Variants in GABBR2 observed in about 807,000 individuals in gnomAD.
The protein encoded by GABBR2 is gamma-aminobutyric acid type B receptor subunit 2, also known as G-protein coupled receptor 51.
A neutral mutation model predicts 105.6 loss-of-function variants in GABBR2; 23 were observed. The observed-to-expected ratio is 0.22, with a 90% CI of 0.16 to 0.31. The LOEUF is 0.31. Ranked by LOEUF, GABBR2 falls within the 10% of genes least tolerant of loss-of-function variation. The pLI is 1.00. For missense variants in GABBR2, 734 were observed against 1,245.5 expected (o/e 0.59, Z 6.18); for synonymous variants, 478 against 499.7 (o/e 0.96, Z 0.58).
rs550807318 is a variant in GABBR2, at chr9:98,673,585, G to GA, written c.321+34831dup. Among the ~76,000 whole-genome samples, 321 of 41,842 alleles carry GA rather than the reference G, an allele frequency of 7.7e-3. 1 individual carries two copies. Among genetic ancestry groups the GA allele is most frequent in the Middle Eastern group, 0.025 (1 of 40 alleles). 27.4% of individuals were successfully genotyped at this position (41,842 alleles called of 152,430 possible). On this transcript the variant is annotated intron_variant, in intron 1 of 18. Coordinates refer to ENST00000259455, the MANE Select transcript of GABBR2 (RefSeq NM_005458.8). ...TGTACGAGAAAACGTTTTCTAAGTT[G>GA]AAAAAAAAAAACAGGGAATAAAAAG...
Position 98,681,335 on chromosome 9 carries a change from C to T in GABBR2, c.321+27082G>A, listed in dbSNP as rs550790263. On this transcript the variant is annotated intron_variant, in intron 1 of 18. Coordinates refer to ENST00000259455, the MANE Select transcript of GABBR2 (RefSeq NM_005458.8). ...GAAATCATCATTCTCAGTAAACTAT[C>T]GCAAGAACAACCAAACACCGCATAT... 1.7e-3 allele frequency among the ~76,000 whole-genome samples: 28 copies of T among 16,118 alleles called. 1 individual carries two copies. The highest frequency in any genetic ancestry group is 9.5e-3 in the African/African-American group (17 of 1,798). The allele number at this position is 16,118 out of a possible 152,430, so 10.6% of individuals were successfully genotyped here. A position where few individuals can be genotyped will look rare whatever the true frequency, so the allele number is the denominator to read the frequency against.
At chr9:98,347,844 C>G (rs547674975) in intron 13 of GABBR2, among the ~76,000 whole-genome samples, 15 of 152,142 alleles carry the variant, frequency 9.9e-5, no homozygotes, top group African/African-American at 3.6e-4. Flanking sequence ...AAGGGTGGCG[C>G]CAGGTGGAGA....
At chr9:98,660,683 GC>G (rs752660651) in intron 1 of GABBR2, among the ~76,000 whole-genome samples, 25 of 152,228 alleles carry the variant, frequency 1.6e-4, no homozygotes, top group Admixed American at 4.6e-4. Flanking sequence ...TTTTGGCGGG[GC>G]TGGTTCCTTC....
intron 2 of GABBR2, among the ~76,000 whole-genome samples, chr9:98,549,600 C>T (rs1368137019): frequency 6.6e-6 from 1 of 152,164 alleles, no homozygotes; most frequent in East Asian, 1.9e-4. Flanking sequence ...CTGCCATGCC[C>T]CTGGGGGCTG....
intron 17 of GABBR2, among the ~76,000 whole-genome samples, chr9:98,294,106 G>T (rs570233860): frequency 1.1e-4 from 16 of 152,316 alleles, no homozygotes; most frequent in African/African-American, 3.6e-4. Flanking sequence ...GTCAGGGATG[G>T]AAGCAATGTG....
At chr9:98,375,340 C>T (rs767969388) in intron 11 of GABBR2, 3 of 152,202 alleles carry the variant, frequency 2.0e-5, no homozygotes, top group Non-Finnish European at 4.4e-5. Context: ...CCCACTGAGA[C>T]CTTGCAGGGA....
chr9:98,644,687 C>A (rs937089099), intron 1 of GABBR2, among the ~76,000 whole-genome samples: 48 of 152,072 alleles, frequency 3.2e-4, no homozygotes, highest in Non-Finnish European at 7.1e-4. Flanking sequence ...ACTAAAAACA[C>A]AAAAATTAGC....
At chr9:98,626,487 A>T (rs1362981613) in intron 1 of GABBR2, among the ~76,000 whole-genome samples, 1 of 152,174 alleles carries the variant, frequency 6.6e-6, no homozygotes, top group Admixed American at 6.5e-5. Context: ...TAAAGGTGAA[A>T]TCGTAGAGAG....
intron 12 of GABBR2, among the ~76,000 whole-genome samples, chr9:98,366,332 C>T (rs1777637461): frequency 6.6e-6 from 1 of 152,176 alleles, no homozygotes; most frequent in Non-Finnish European, 1.5e-5. Context: ...TAGCCTTGCT[C>T]GTTTAAATGA....
intron 1 of GABBR2, among the ~76,000 whole-genome samples, chr9:98,667,646 T>C (rs1334407497): frequency 6.6e-6 from 1 of 152,190 alleles, no homozygotes; most frequent in Non-Finnish European, 1.5e-5. Flanking sequence ...GTGTGCTGTG[T>C]GGCAGTTCAA....
intron 10 of GABBR2, 32 bp from the exon 11 acceptor site, chr9:98,385,804 G>A: frequency 1.3e-6 from 2 of 1,577,920 alleles, no homozygotes; most frequent in Non-Finnish European, 1.7e-6. Context: ...AGATTTAACA[G>A]AATGGTTAAT....
chr9:98,626,294 G>T (rs1824774386), intron 1 of GABBR2, among the ~76,000 whole-genome samples: 1 of 152,084 alleles, frequency 6.6e-6, no homozygotes, highest in African/African-American at 2.4e-5. Flanking sequence ...TTCTTTCTGG[G>T]GTGATTAAAA....
chr9:98,515,242 G>A (rs932511740), intron 3 of GABBR2, among the ~76,000 whole-genome samples: 2 of 152,140 alleles, frequency 1.3e-5, no homozygotes, highest in African/African-American at 4.8e-5. Context: ...GAAGTTGCAA[G>A]AGAGGCCTCA....
chr9:98,300,029 A>T (rs1564007391), intron 16 of GABBR2, among the ~76,000 whole-genome samples: 1 of 141,192 alleles, frequency 7.1e-6, no homozygotes, highest in African/African-American at 2.7e-5. Context: ...TGTCTGGCTA[A>T]TTTTTTTTTT....
chr9:98,316,511 T>C lies in GABBR2; in HGVS notation c.1894-5306A>G, dbSNP rs143329477. ...CTTTGGCAATTGCCTAAGAAATCAT[T>C]CATTCATTCATTCATACAGTGAATA... On this transcript the variant is annotated intron_variant, in intron 13 of 18. Coordinates refer to ENST00000259455, the MANE Select transcript of GABBR2 (RefSeq NM_005458.8). 1.3e-5 allele frequency among the ~76,000 whole-genome samples: 2 copies of C among 152,286 alleles called. 1 individual carries two copies. The highest frequency in any genetic ancestry group is 1.3e-4 in the Admixed American group (2 of 15,300).
intron 1 of GABBR2, among the ~76,000 whole-genome samples, chr9:98,621,176 C>T (rs1399295275): frequency 1.3e-5 from 2 of 152,138 alleles, no homozygotes; most frequent in Non-Finnish European, 2.9e-5. Flanking sequence ...AAGTGGGCCA[C>T]GTGGGGACAA....
chr9:98,419,154 C>T (rs1178328541), intron 7 of GABBR2, among the ~76,000 whole-genome samples: 2 of 152,078 alleles, frequency 1.3e-5, no homozygotes, highest in African/African-American at 2.4e-5. Flanking sequence ...GCCGTCCAGG[C>T]GCCAGGCAAG....
At chr9:98,373,556 C>T (rs765537707) in intron 11 of GABBR2, among the ~76,000 whole-genome samples, 7 of 152,162 alleles carry the variant, frequency 4.6e-5, no homozygotes, top group East Asian at 1.9e-4. Context: ...ACCTAGGAGC[C>T]GGATGTCAAA....
intron 1 of GABBR2, among the ~76,000 whole-genome samples, chr9:98,703,424 G>A (rs1368542765): frequency 1.3e-5 from 2 of 152,138 alleles, no homozygotes; most frequent in African/African-American, 4.8e-5. Context: ...GGGCAGTGGG[G>A]GTGCAGCTGC....
Sources: gnomAD v4.1 joint callset for allele counts (sites outside exome capture counted in the v4.1 genomes callset) on GRCh38, gnomAD v4.1.1 for gene constraint, MANE v1.5 for transcripts, NCBI Gene and HGNC (gene_info 2026-07-23, HGNC 2026-07-21) for gene names.